Variants in PLEKHF2 observed in about 807,000 individuals in gnomAD.
PLEKHF2 encodes pleckstrin homology domain-containing family F member 2.
A neutral mutation model predicts 14.7 loss-of-function variants in PLEKHF2; 4 were observed. The observed-to-expected ratio is 0.27, with a 90% CI of 0.13 to 0.62. The LOEUF (loss-of-function observed/expected upper bound fraction) is 0.62, where lower values mean the gene tolerates loss of function less well. PLEKHF2 is among the 20% of genes least tolerant of loss of function. The probability of loss-of-function intolerance (pLI) is 0.85; values close to 1 mark genes in which losing one functional copy is unlikely to be tolerated. For missense variants in PLEKHF2, 201 were observed against 307.7 expected (o/e 0.65, Z 2.60); for synonymous variants, 90 against 103.5 (o/e 0.87, Z 0.79).
intron 1 of PLEKHF2, among the ~76,000 whole-genome samples, chr8:95,134,596 T>C (rs1810355808): frequency 6.6e-6 from 1 of 152,200 alleles, no homozygotes; most frequent in Non-Finnish European, 1.5e-5. Flanking sequence ...GGTTTATTTA[T>C]TTGGAGCCTT....
At position 95,156,498 on chromosome 8, in the gene PLEKHF2, G is replaced by C. The variant is rs999383259; in HGVS notation, c.*1704G>C. ...ATATCAGGTGGATTTTTGTTTCTAA[G>C]CAATATATACATAAAATCAACCAAC... is the stretch of plus-strand genomic sequence containing the variant. On this transcript the variant is annotated 3_prime_UTR_variant, in exon 2 of 2. Transcript: ENST00000315367. 3 of 166,780 alleles carry C rather than the reference G, an allele frequency of 1.8e-5. No homozygotes were observed. The highest frequency in any genetic ancestry group is 2.9e-5 in the Non-Finnish European group (2 of 68,056). The allele number at this position is 166,780 out of a possible 1,614,324, so 10.3% of individuals were successfully genotyped here.
intron 1 of PLEKHF2, among the ~76,000 whole-genome samples, chr8:95,141,457 TTG>T (rs1810437856): frequency 6.6e-6 from 1 of 152,212 alleles, no homozygotes; most frequent in African/African-American, 2.4e-5. Flanking sequence ...TAACAAGATT[TTG>T]TGTTATTTTT....
intron 1 of PLEKHF2, among the ~76,000 whole-genome samples, chr8:95,145,716 G>T (rs545477052): frequency 6.6e-6 from 1 of 152,112 alleles, no homozygotes; most frequent in South Asian, 2.1e-4. Context: ...GAGCCACTGC[G>T]CCTGGCCAAG....
intron 1 of PLEKHF2, among the ~76,000 whole-genome samples, chr8:95,138,995 G>GTA (rs1810410029): frequency 6.6e-6 from 1 of 152,144 alleles, no homozygotes; most frequent in Admixed American, 6.5e-5. Flanking sequence ...TTGTTCCAGT[G>GTA]TATATACAGT....
At position 95,145,155 on chromosome 8, in the gene PLEKHF2, A is replaced by C. The variant is rs940795749; in HGVS notation, c.-14-8876A>C. On this transcript the variant is annotated intron_variant, in intron 1 of 1. Transcript: ENST00000315367. ...CCTATGAGAGATTTAAAGGAAAAAA[A>C]AACTGACCTCTCTCTAAATGTGAAT... is the stretch of plus-strand genomic sequence containing the variant. Among the ~76,000 whole-genome samples the C allele has an allele frequency of 3.9e-5, 6 of 152,188 alleles. No individual in the cohort carries two copies. In the East Asian group the frequency reaches 1.2e-3, roughly 29 times the overall value.
At chr8:95,153,276 C>T (rs1193431449) in intron 1 of PLEKHF2, among the ~76,000 whole-genome samples, 3 of 152,030 alleles carry the variant, frequency 2.0e-5, no homozygotes, top group Admixed American at 1.3e-4. Context: ...AACTAAGTCT[C>T]GAAGGATGAA....
chr8:95,134,739 C>T (rs1389416101), intron 1 of PLEKHF2, among the ~76,000 whole-genome samples: 3 of 152,076 alleles, frequency 2.0e-5, no homozygotes, highest in Non-Finnish European at 4.4e-5. Context: ...CTTGAGTGTG[C>T]GGTGGAAGTG....
intron 1 of PLEKHF2, among the ~76,000 whole-genome samples, chr8:95,144,915 C>T (rs953508016): frequency 3.1e-4 from 46 of 150,200 alleles, no homozygotes; most frequent in Non-Finnish European, 2.4e-4. Context: ...ACTGTGAGGC[C>T]GTTTGATAAT....
In PLEKHF2 at chr8:95,154,451, A is replaced by G. The variant is rs1039604415; in HGVS notation, c.407A>G (p.Lys136Arg). 2 of 1,613,966 alleles carry G rather than the reference A, an allele frequency of 1.2e-6. No individual in the cohort carries two copies. The highest frequency in any genetic ancestry group is 2.7e-5 in the African/African-American group (2 of 74,910). ...AAATGTGTTACTGATTTACTCTCCA[A>G]AAGTGGGAAGACACCCAGTAATGAA... ...INKCVTDLLS[K>R]SGKTPSNEHA... Residue 136 changes from lysine (K) to arginine (R), a missense_variant, in exon 2 of 2, where the codon AAA becomes AGA. Lys to Arg is a conservative substitution (Grantham distance 26, BLOSUM62 2). Transcript: ENST00000315367. The surrounding 1 kb of genome is among the most constrained non-coding windows in gnomAD (Gnocchi z 5.6).
intron 1 of PLEKHF2, among the ~76,000 whole-genome samples, chr8:95,152,513 T>C (rs1810574642): frequency 6.6e-6 from 1 of 152,124 alleles, no homozygotes; most frequent in Admixed American, 6.5e-5. Context: ...ATGATAGAGA[T>C]TGAAACCTCT....
chr8:95,143,138 C>T (rs1420124921), intron 1 of PLEKHF2, among the ~76,000 whole-genome samples: 7 of 145,668 alleles, frequency 4.8e-5, no homozygotes, highest in Non-Finnish European at 1.0e-4. Flanking sequence ...CTCGCTCTGT[C>T]GCCCAGGCTG....
In PLEKHF2 at chr8:95,154,012, T is replaced by C. The variant is rs762781049; in HGVS notation, c.-14-19T>C. 37 of 1,480,882 alleles carry C rather than the reference T, an allele frequency of 2.5e-5. No individual in the cohort carries two copies. Among genetic ancestry groups the C allele is most frequent in the Non-Finnish European group, 3.3e-5 (37 of 1,111,352 alleles). 91.7% of individuals were successfully genotyped at this position (1,480,882 alleles called of 1,614,324 possible). A position where few individuals can be genotyped will look rare whatever the true frequency, so the allele number is the denominator to read the frequency against. ...TTTATAATTTATATGTGCTAATTTCTTTTTCTTTTTTTTAAAAGGCTATTA... is the reference window on the plus strand; with the variant it reads ...TTTATAATTTATATGTGCTAATTTCCTTTTCTTTTTTTTAAAAGGCTATTA... On this transcript the variant is annotated intron_variant, in intron 1 of 1. Coordinates refer to ENST00000315367, the MANE Select transcript of PLEKHF2 (RefSeq NM_024613.4). This position sits in a 1 kb window ranked among gnomAD's most constrained non-coding sequence, Gnocchi z 5.6.
rs569514194 is a variant in PLEKHF2 at position 95,154,960 on chromosome 8, C to T, written c.*166C>T. 1 of 729,920 alleles carries T rather than the reference C, an allele frequency of 1.4e-6. No homozygotes were observed. The highest frequency in any genetic ancestry group is 2.7e-5 in the East Asian group (1 of 36,836). The allele number at this position is 729,920 out of a possible 1,614,324, so 45.2% of individuals were successfully genotyped here. ...ATTCCATAGAAAGTAGGTCCCCCTG[C>T]CTTCTCCCACTCCTCACACTCTTCT... On this transcript the variant is annotated 3_prime_UTR_variant, in exon 2 of 2. Transcript: ENST00000315367. This position sits in a 1 kb window ranked among gnomAD's most constrained non-coding sequence, Gnocchi z 5.6.
At chr8:95,145,765 G>C (rs1810493938) in intron 1 of PLEKHF2, among the ~76,000 whole-genome samples, 1 of 152,116 alleles carries the variant, frequency 6.6e-6, no homozygotes, top group Admixed American at 6.5e-5. Flanking sequence ...GATTTATTGA[G>C]ACTCTTACCA....
At position 95,155,630 on chromosome 8, in the gene PLEKHF2, T is replaced by C. The variant is rs1810610624; in HGVS notation, c.*836T>C. On this transcript the variant is annotated 3_prime_UTR_variant, in exon 2 of 2. Coordinates refer to ENST00000315367, the MANE Select transcript of PLEKHF2 (RefSeq NM_024613.4). ...AGAATTGTCATACTGCATTAGCTTCTACCTTTAGTAAGACATATTTTTTAG... is the reference window on the plus strand; with the variant it reads ...AGAATTGTCATACTGCATTAGCTTCCACCTTTAGTAAGACATATTTTTTAG... 1 of 167,106 alleles carries C rather than the reference T, an allele frequency of 6.0e-6. No individual in the cohort carries two copies. The highest frequency in any genetic ancestry group is 1.5e-5 in the Non-Finnish European group (1 of 68,102). The allele number at this position is 167,106 out of a possible 1,614,324, so 10.4% of individuals were successfully genotyped here. A position where few individuals can be genotyped will look rare whatever the true frequency, so the allele number is the denominator to read the frequency against.
chr8:95,139,268 C>T (rs993139469), intron 1 of PLEKHF2, among the ~76,000 whole-genome samples: 1 of 152,142 alleles, frequency 6.6e-6, no homozygotes, highest in African/African-American at 2.4e-5. Context: ...CTTTGTGAGG[C>T]CAAGATGGGC....
At chr8:95,138,195 C>T (rs1045459145) in intron 1 of PLEKHF2, among the ~76,000 whole-genome samples, 4 of 152,054 alleles carry the variant, frequency 2.6e-5, no homozygotes, top group Non-Finnish European at 5.9e-5. Context: ...TTTCTTATCC[C>T]CAAGTTGACT....
intron 1 of PLEKHF2, chr8:95,134,260 C>T (rs1237811228): frequency 6.7e-6 from 1 of 148,970 alleles, no homozygotes; most frequent in Non-Finnish European, 1.5e-5. Flanking sequence ...CGCCGCCGTC[C>T]CGCCAGCCCG....
At chr8:95,152,841 C>T (rs1240775520) in intron 1 of PLEKHF2, among the ~76,000 whole-genome samples, 1 of 152,098 alleles carries the variant, frequency 6.6e-6, no homozygotes, top group Non-Finnish European at 1.5e-5. Context: ...AACTTACATA[C>T]TATGCTGTTA....
Sources: allele counts gnomAD v4.1 joint callset (sites outside exome capture counted in the v4.1 genomes callset), GRCh38; gene constraint gnomAD v4.1.1; non-coding constraint Gnocchi (gnomAD v3.1); transcripts MANE v1.5; gene names NCBI Gene and HGNC (gene_info 2026-07-23, HGNC 2026-07-21).